PLCG2: variants seen among roughly 807,000 people sequenced by gnomAD.
PLCG2 encodes the protein 1-phosphatidylinositol 4,5-bisphosphate phosphodiesterase gamma-2.
A neutral mutation model predicts 175.6 loss-of-function variants in PLCG2; 69 were observed. The ratio of observed to expected loss-of-function variants is 0.39; its 90% CI spans 0.32 to 0.48. The LOEUF is 0.48. PLCG2 is among the 20% of genes least tolerant of loss of function. PLCG2 has a pLI of 0.91. For synonymous variants in PLCG2, 827 were observed against 624.0 expected (o/e 1.33, Z -4.85); for missense variants, 1,798 against 1,650.9 (o/e 1.09, Z -1.54).
intron 2 of PLCG2, among the ~76,000 whole-genome samples, chr16:81,827,488 C>G (rs963194666): frequency 6.6e-6 from 1 of 152,076 alleles, no homozygotes; most frequent in Non-Finnish European, 1.5e-5. Context: ...TGTACCCGGC[C>G]TGCATTTATT....
chr16:81,956,626 T>C, intron 31 of PLCG2, 69 bp from the exon 32 acceptor site: 2 of 1,415,410 alleles, frequency 1.4e-6, no homozygotes, highest in South Asian at 1.4e-5. Flanking sequence ...GCTTGTGAGA[T>C]GCCAGGTTCA....
intron 1 of PLCG2, among the ~76,000 whole-genome samples, chr16:81,743,059 G>C (rs1045397789): frequency 6.6e-6 from 1 of 152,166 alleles, no homozygotes; most frequent in African/African-American, 2.4e-5. Context: ...CCAGCACTTT[G>C]GGATGCTGAA....
chr16:81,926,688 G>A (rs1487316653), intron 22 of PLCG2, among the ~76,000 whole-genome samples: 1 of 152,182 alleles, frequency 6.6e-6, no homozygotes, highest in Non-Finnish European at 1.5e-5. Context: ...TCCACCGTCA[G>A]TGGTAGAGCT....
intron 2 of PLCG2, among the ~76,000 whole-genome samples, chr16:81,815,083 T>G (rs1354307618): frequency 1.3e-5 from 2 of 152,200 alleles, no homozygotes; most frequent in African/African-American, 4.8e-5. Flanking sequence ...TTTTAAACAT[T>G]TCCTTTTTTT....
At chr16:81,741,810 A>C (rs897711425) in intron 1 of PLCG2, among the ~76,000 whole-genome samples, 1 of 152,216 alleles carries the variant, frequency 6.6e-6, no homozygotes, top group Admixed American at 6.5e-5. Flanking sequence ...TGTCTCAAAA[A>C]AAAAATGTAT....
rs780306942 is a variant in PLCG2, at chr16:81,958,020, G to T, written c.*22G>T. 4 of 1,570,814 alleles carry T rather than the reference G, an allele frequency of 2.5e-6. No individual in the cohort carries two copies. The highest frequency in any genetic ancestry group is 2.7e-5 in the African/African-American group (2 of 74,062). ...ATAGAAGCTGGGGTATGTGTGTAAG[G>T]GTATTGTGTGTGTGCGCATGTGTGT... is the stretch of plus-strand genomic sequence containing the variant. On this transcript the variant is annotated 3_prime_UTR_variant, in exon 33 of 33. Transcript: ENST00000564138.
chr16:81,791,592 G>T (rs866043154), intron 2 of PLCG2, among the ~76,000 whole-genome samples: 1 of 152,038 alleles, frequency 6.6e-6, no homozygotes, highest in South Asian at 2.1e-4. Flanking sequence ...TTTTTCAGAC[G>T]GAATCTCTGT....
intron 8 of PLCG2, among the ~76,000 whole-genome samples, chr16:81,882,601 G>A (rs1034354743): frequency 1.3e-5 from 2 of 152,018 alleles, no homozygotes; most frequent in African/African-American, 4.8e-5. Context: ...CTTTTGCTCT[G>A]CAATCCCTCC....
chr16:81,874,267 C>T (rs1433150986), intron 7 of PLCG2, among the ~76,000 whole-genome samples: 1 of 152,202 alleles, frequency 6.6e-6, no homozygotes, highest in Non-Finnish European at 1.5e-5. Context: ...TCCACTTTCT[C>T]TGTATTGACC....
intron 2 of PLCG2, among the ~76,000 whole-genome samples, chr16:81,787,379 G>A (rs1911018792): frequency 1.7e-5 from 2 of 114,784 alleles, no homozygotes; most frequent in Admixed American, 9.1e-5. Flanking sequence ...GCACCGCCAT[G>A]CCTGGATAAT....
chr16:81,926,160 GGAC>G (rs1910264242), intron 22 of PLCG2, among the ~76,000 whole-genome samples: 1 of 152,224 alleles, frequency 6.6e-6, no homozygotes. Flanking sequence ...GGCATGATAG[GGAC>G]GACGGGCCAG....
intron 13 of PLCG2, 102 bp from the exon 14 acceptor site, chr16:81,900,510 C>G: frequency 9.4e-7 from 1 of 1,062,724 alleles, no homozygotes; most frequent in South Asian, 1.8e-5. Context: ...CCGAGCAGCG[C>G]CCGGTTTCTG....
intron 1 of PLCG2, among the ~76,000 whole-genome samples, chr16:81,747,798 G>A (rs1040342486): frequency 5.9e-5 from 9 of 152,184 alleles, no homozygotes; most frequent in African/African-American, 1.9e-4. Context: ...ACTCAAAAAT[G>A]TCAGTGTCAT....
chr16:81,908,692 G>A (rs755865235), intron 17 of PLCG2, 101 bp downstream of exon 17: 61 of 1,020,572 alleles, frequency 6.0e-5, no homozygotes, highest in Admixed American at 1.4e-4. Context: ...GGGCAGGCTG[G>A]GACCTGAATC....
chr16:81,789,610 C>G (rs1911136612), intron 2 of PLCG2, among the ~76,000 whole-genome samples: 1 of 152,332 alleles, frequency 6.6e-6, no homozygotes, highest in Non-Finnish European at 1.5e-5. Flanking sequence ...TTTTATTTAT[C>G]TGTTCAGCCT....
intron 13 of PLCG2, 53 bp downstream of exon 13, chr16:81,895,980 TTGGATAGACAGA>T (rs1360725054): frequency 1.8e-5 from 29 of 1,607,782 alleles, no homozygotes; most frequent in African/African-American, 2.7e-5. Flanking sequence ...GCAGCTAGGG[TTGGATAGACAGA>T]TGGACAGACA....
chr16:81,765,999 T>G (rs998553327), intron 2 of PLCG2, among the ~76,000 whole-genome samples: 2 of 152,186 alleles, frequency 1.3e-5, no homozygotes, highest in African/African-American at 4.8e-5. Flanking sequence ...TGTGTTTGCT[T>G]GCTTGGGTAT....
chr16:81,739,633 G>C (rs12920300), intron 1 of PLCG2: 1 of 152,238 alleles, frequency 6.6e-6, no homozygotes, highest in Non-Finnish European at 1.5e-5. Context: ...TGTGGGATGA[G>C]GAGAGACAAT....
chr16:81,907,162 G>A (rs1159673371), intron 15 of PLCG2, among the ~76,000 whole-genome samples: 2 of 151,288 alleles, frequency 1.3e-5, no homozygotes, highest in East Asian at 1.9e-4. Context: ...AAATAAAAAC[G>A]TTATTAAAAA....
Sources: gnomAD v4.1 joint callset for allele counts (sites outside exome capture counted in the v4.1 genomes callset) on GRCh38, gnomAD v4.1.1 for gene constraint, MANE v1.5 for transcripts, NCBI Gene and HGNC (gene_info 2026-07-23, HGNC 2026-07-21) for gene names.